TENM2: variants seen among roughly 807,000 people sequenced by gnomAD.
TENM2 encodes the protein teneurin-2.
TENM2 carries 52 observed loss-of-function variants against 245.2 expected under a neutral mutation model. The ratio of observed to expected loss-of-function variants is 0.21; its 90% CI spans 0.17 to 0.27. The LOEUF is 0.27. Among genes scored for constraint, TENM2 ranks in the 10% least tolerant of loss-of-function variants. The pLI is 1.00. For missense variants in TENM2, 3,046 were observed against 3,666.8 expected (o/e 0.83, Z 4.37); for synonymous variants, 1,363 against 1,438.9 (o/e 0.95, Z 1.19).
At chr5:167,692,464 T>C (rs889749212) in intron 2 of TENM2, among the ~76,000 whole-genome samples, 6 of 152,166 alleles carry the variant, frequency 3.9e-5, no homozygotes, top group Non-Finnish European at 8.8e-5. Flanking sequence ...TCAGGCATTT[T>C]GGACACAGCC....
intron 2 of TENM2, among the ~76,000 whole-genome samples, chr5:167,840,258 C>A (rs777871637): frequency 3.3e-5 from 5 of 152,102 alleles, no homozygotes; most frequent in Non-Finnish European, 5.9e-5. Context: ...GACTTCAGAG[C>A]CAAAAAAGCA....
the TENM2 span, among the ~76,000 whole-genome samples, chr5:167,121,230 A>T: frequency 6.6e-6 from 1 of 152,320 alleles, no homozygotes; most frequent in South Asian, 2.1e-4. Flanking sequence ...CAGTAACTAA[A>T]TGAATAAGTA....
At chr5:167,264,683 G>A in the TENM2 span, among the ~76,000 whole-genome samples, 2 of 152,108 alleles carry the variant, frequency 1.3e-5, no homozygotes, top group African/African-American at 4.8e-5. Context: ...TTATGCGTCC[G>A]CTGCCTATGT....
chr5:167,259,764 T>C, the TENM2 span, among the ~76,000 whole-genome samples: 4 of 152,092 alleles, frequency 2.6e-5, no homozygotes, highest in Non-Finnish European at 5.9e-5. Flanking sequence ...GCCCCTAAGA[T>C]GTTTTAAACA....
chr5:167,724,893 GA>G (rs1759883741), intron 2 of TENM2, among the ~76,000 whole-genome samples: 1 of 152,148 alleles, frequency 6.6e-6, no homozygotes, highest in Non-Finnish European at 1.5e-5. Flanking sequence ...GCACAGGCTG[GA>G]TTACGGCAGG....
the TENM2 span, among the ~76,000 whole-genome samples, chr5:167,144,151 A>AATTT: frequency 6.6e-6 from 1 of 151,204 alleles, no homozygotes; most frequent in African/African-American, 2.5e-5. Context: ...AAATATTTTT[A>AATTT]ATTTTGAAAA....
chr5:168,250,399 T>A (rs2152698353), intron 27 of TENM2, among the ~76,000 whole-genome samples: 1 of 152,074 alleles, frequency 6.6e-6, no homozygotes, highest in African/African-American at 2.4e-5. Flanking sequence ...AGAGAAACAA[T>A]AATGAGGACC....
At chr5:168,243,954 T>C (rs1286375594) in intron 25 of TENM2, among the ~76,000 whole-genome samples, 1 of 149,806 alleles carries the variant, frequency 6.7e-6, no homozygotes, top group African/African-American at 2.4e-5. Context: ...TTTTTTTTTT[T>C]TTTAAGATAG....
At chr5:167,616,045 T>C (rs1777770775) in intron 2 of TENM2, among the ~76,000 whole-genome samples, 1 of 152,152 alleles carries the variant, frequency 6.6e-6, no homozygotes, top group Non-Finnish European at 1.5e-5. Flanking sequence ...TGCTGTTTGT[T>C]TTGGTGCCCA....
intron 1 of TENM2, among the ~76,000 whole-genome samples, chr5:167,326,040 T>G (rs1344699776): frequency 6.6e-6 from 1 of 151,808 alleles, no homozygotes; most frequent in African/African-American, 2.4e-5. Context: ...GAGCATGAAG[T>G]GGGGGAAGAA....
chr5:167,191,796 G>A, the TENM2 span, among the ~76,000 whole-genome samples: 1 of 151,928 alleles, frequency 6.6e-6, no homozygotes, highest in African/African-American at 2.4e-5. Flanking sequence ...ATTTTTTTAG[G>A]TGTGCTTACA....
At chr5:167,122,389 T>C in the TENM2 span, among the ~76,000 whole-genome samples, 1 of 152,266 alleles carries the variant, frequency 6.6e-6, no homozygotes, top group South Asian at 2.1e-4. Context: ...CCATTTGATA[T>C]TTGCATATAT....
intron 1 of TENM2, among the ~76,000 whole-genome samples, chr5:167,348,041 A>T (rs536215726): frequency 1.1e-4 from 17 of 152,286 alleles, no homozygotes; most frequent in Non-Finnish European, 1.9e-4. Context: ...CAGGCAAGGG[A>T]ATGTTCCCAT....
the TENM2 span, among the ~76,000 whole-genome samples, chr5:167,273,929 C>G: frequency 6.6e-6 from 1 of 152,004 alleles, no homozygotes; most frequent in African/African-American, 2.4e-5. Flanking sequence ...TACTTTGCTA[C>G]AACTGTCAAA....
the TENM2 span, among the ~76,000 whole-genome samples, chr5:167,274,798 C>T: frequency 1.3e-5 from 2 of 151,786 alleles, no homozygotes; most frequent in African/African-American, 4.8e-5. Flanking sequence ...TTTATATATC[C>T]TATTCAGTGA....
intron 2 of TENM2, among the ~76,000 whole-genome samples, chr5:167,865,100 A>G (rs1428275711): frequency 6.6e-6 from 1 of 152,176 alleles, no homozygotes; most frequent in Non-Finnish European, 1.5e-5. Flanking sequence ...AGCTCAATGT[A>G]TCTTCTGCAT....
chr5:168,163,985 G>T (rs1757985404), intron 13 of TENM2, among the ~76,000 whole-genome samples: 1 of 152,068 alleles, frequency 6.6e-6, no homozygotes, highest in Non-Finnish European at 1.5e-5. Context: ...AGTAAAACTT[G>T]TTTAATCCTA....
chr5:167,957,733 C>T (rs918639129), intron 4 of TENM2, among the ~76,000 whole-genome samples: 1 of 152,014 alleles, frequency 6.6e-6, no homozygotes, highest in Admixed American at 6.5e-5. Context: ...TGTTATTTAC[C>T]CAGTAGTCAT....
intron 2 of TENM2, among the ~76,000 whole-genome samples, chr5:167,663,183 A>G (rs1755348755): frequency 7.4e-6 from 1 of 135,598 alleles, no homozygotes; most frequent in Non-Finnish European, 1.6e-5. Context: ...AGAGAGAGAG[A>G]GAGAAAGAGA....
Sources: allele counts gnomAD v4.1 joint callset (sites outside exome capture counted in the v4.1 genomes callset), GRCh38; gene constraint gnomAD v4.1.1; transcripts MANE v1.5; gene names NCBI Gene and HGNC (gene_info 2026-07-23, HGNC 2026-07-21).